ZNF821: variants seen among roughly 807,000 people sequenced by gnomAD.
ZNF821 encodes zinc finger protein 821.
Under a neutral mutation model 44.3 loss-of-function variants are expected in ZNF821, and 16 were observed. The observed-to-expected ratio is 0.36, with a 90% CI of 0.24 to 0.55. ZNF821 has a LOEUF of 0.55. Among genes scored for constraint, ZNF821 ranks in the 20% least tolerant of loss-of-function variants. The probability of loss-of-function intolerance (pLI) is 0.86; values close to 1 mark genes in which losing one functional copy is unlikely to be tolerated. For synonymous variants in ZNF821, 204 were observed against 197.6 expected, an observed-to-expected ratio of 1.03 and a Z score of -0.27; for missense variants, 436 against 547.6, an observed-to-expected ratio of 0.80 and a Z score of 2.03.
chr16:71,879,793 A>T (rs763576662), intron 3 of ZNF821, 114 bp downstream of exon 3: 130 of 1,043,222 alleles, frequency 1.2e-4, no homozygotes, highest in Admixed American at 2.0e-4. Context: ...TGTGTTTTAC[A>T]TTTAAACTTT....
chr16:71,879,243 C>T (rs2036176174), intron 3 of ZNF821, among the ~76,000 whole-genome samples: 1 of 152,208 alleles, frequency 6.6e-6, no homozygotes, highest in Non-Finnish European at 1.5e-5. Flanking sequence ...CATATAAAGT[C>T]TCCTTGTCCT....
intron 1 of ZNF821, among the ~76,000 whole-genome samples, 169 bp downstream of exon 1, chr16:71,883,739 A>G (rs1456057361): frequency 2.6e-5 from 4 of 151,484 alleles, no homozygotes; most frequent in Non-Finnish European, 4.4e-5. Flanking sequence ...CCGGGGAGGA[A>G]TTGGGGTTGG....
upstream of ZNF821, among the ~76,000 whole-genome samples, chr16:71,886,480 A>G (rs981994869): frequency 2.0e-5 from 3 of 152,104 alleles, no homozygotes; most frequent in Admixed American, 6.5e-5. Context: ...ACTTTTTTCT[A>G]CTTTCCCAAT....
At chr16:71,861,602 T>C (rs543667586) in intron 7 of ZNF821, among the ~76,000 whole-genome samples, 174 bp downstream of exon 7, 1 of 152,364 alleles carries the variant, frequency 6.6e-6, no homozygotes, top group Admixed American at 6.5e-5. Context: ...TCATTTTCCT[T>C]TGGGGCTATG....
chr16:71,863,576 C>T (rs2034178748), intron 6 of ZNF821, among the ~76,000 whole-genome samples: 1 of 151,956 alleles, frequency 6.6e-6, no homozygotes, highest in African/African-American at 2.4e-5. Context: ...TTTTGTAGGG[C>T]TGGGGTCTTG....
rs1567399361 is a variant in ZNF821, at chr16:71,860,502, G to A, written c.755C>T (p.Thr252Ile). ...AAYRKLLEAQTPSVRKWALRR... is the reference protein window; with the variant it reads ...AAYRKLLEAQIPSVRKWALRR... Reference sequence around the variant, plus strand: ...TAGAGCCCACTTGCGTACACTGGGAGTCTGGGCTTCCAGCAGTTTACGGTA... The same window carrying A: ...TAGAGCCCACTTGCGTACACTGGGAATCTGGGCTTCCAGCAGTTTACGGTA... Residue 252 changes from threonine (T) to isoleucine (I), a missense_variant, in exon 8 of 8, where the codon ACT becomes ATT. Thr to Ile is a moderately conservative substitution (Grantham distance 89). This residue lies in a region of ZNF821 where 68 missense variants were observed against 57.0 expected (regional missense o/e 1.19). Transcript: ENST00000425432. The surrounding 1 kb of genome is among the most constrained non-coding windows in gnomAD (Gnocchi z 7.3). 1 of 1,614,202 alleles carries A rather than the reference G, an allele frequency of 6.2e-7. No individual in the cohort carries two copies. Among genetic ancestry groups the A allele is most frequent in the Non-Finnish European group, 8.5e-7 (1 of 1,180,040 alleles).
intron 6 of ZNF821, 95 bp from the exon 7 acceptor site, chr16:71,862,037 T>G (rs2033956677): frequency 1.4e-6 from 2 of 1,430,348 alleles, no homozygotes; most frequent in African/African-American, 2.8e-5. Context: ...CCCCTTTCTT[T>G]AGTCTCAGAA....
chr16:71,866,773 G>A (rs1340398208), intron 4 of ZNF821, among the ~76,000 whole-genome samples: 6 of 152,062 alleles, frequency 3.9e-5, no homozygotes, highest in Non-Finnish European at 8.8e-5. Flanking sequence ...TTTTGTGCCC[G>A]AGCAATTAAT....
At chr16:71,894,338 G>A (rs974287240) in intron 1 of ZNF821, 1 of 150,558 alleles carries the variant, frequency 6.6e-6, no homozygotes, top group Non-Finnish European at 1.5e-5. Flanking sequence ...TCGGCTCACT[G>A]TAACTCGAGA....
intron 3 of ZNF821, among the ~76,000 whole-genome samples, chr16:71,874,105 C>T (rs573275312): frequency 6.6e-6 from 1 of 151,738 alleles, no homozygotes; most frequent in Non-Finnish European, 1.5e-5. Flanking sequence ...ATTACAGGCA[C>T]CCGCCACCAT....
intron 1 of ZNF821, among the ~76,000 whole-genome samples, chr16:71,892,247 G>A (rs986185548): frequency 4.8e-5 from 7 of 146,392 alleles, no homozygotes; most frequent in Non-Finnish European, 8.9e-5. Flanking sequence ...GTTAGGTGGG[G>A]CTCAATGATA....
Position 71,861,929 on chromosome 16 carries a change from A to G in ZNF821, c.431T>C (p.Val144Ala). The part of the protein sequence containing the change: ...IAHVYQHTAA[V>A]VSAKSYMCPV... Reference sequence around the variant, plus strand: ...ACACATGTAGCTCTTGGCGCTCACCACTGCTGCAGTGTGCTGTAAAACAGA... The same window carrying G: ...ACACATGTAGCTCTTGGCGCTCACCGCTGCTGCAGTGTGCTGTAAAACAGA... The change falls in exon 7 of 8, where the codon GTG becomes GCG. Residue 144 changes from valine (V) to alanine (A), a missense_variant. Physicochemically the swap from Val to Ala is moderately conservative, Grantham distance 64 (BLOSUM62 0). Coordinates refer to ENST00000425432, the MANE Select transcript of ZNF821 (RefSeq NM_001201552.2). 10 of 1,614,160 alleles carry G rather than the reference A, an allele frequency of 6.2e-6. No homozygotes were observed. Among genetic ancestry groups the G allele is most frequent in the Non-Finnish European group, 8.5e-6 (10 of 1,180,014 alleles).
At chr16:71,862,355 G>C (rs1049475747) in intron 6 of ZNF821, among the ~76,000 whole-genome samples, 1 of 152,192 alleles carries the variant, frequency 6.6e-6, no homozygotes, top group African/African-American at 2.4e-5. Flanking sequence ...GGTGCCTGTA[G>C]TCCCAGCTAC....
rs777504777 is a variant in ZNF821, at chr16:71,860,272, G to A, written c.985C>T (p.Leu329=). The A allele has an allele frequency of 1.2e-6, 2 of 1,613,796 alleles. No individual in the cohort carries two copies. The highest frequency in any genetic ancestry group is 1.7e-6 in the Non-Finnish European group (2 of 1,180,058). Residue 329 remains leucine (L), a synonymous_variant, in exon 8 of 8, where the codon CTG becomes TTG. Transcript: ENST00000425432. The surrounding 1 kb of genome is among the most constrained non-coding windows in gnomAD (Gnocchi z 7.3). ...TCCGGGGTTTCATTGGCCCGCTTCA[G>A]CCTCATGGCCTCCCGATCCCGCTGC... is the stretch of plus-strand genomic sequence containing the variant. The part of the protein sequence containing the change: ...RLQRDREAMR[L]KRANETPEKR...
intron 3 of ZNF821, among the ~76,000 whole-genome samples, chr16:71,871,057 G>T (rs560781028): frequency 6.6e-6 from 1 of 152,274 alleles, no homozygotes; most frequent in African/African-American, 2.4e-5. Context: ...TTCAAGATGA[G>T]TCAGTAATTC....
chr16:71,886,453 T>A (rs927662406), upstream of ZNF821, among the ~76,000 whole-genome samples: 3 of 152,204 alleles, frequency 2.0e-5, no homozygotes, highest in Non-Finnish European at 4.4e-5. Context: ...ATTAACCATA[T>A]ATATTTTTTT....
chr16:71,883,169 C>G (rs1394569136), intron 2 of ZNF821, 42 bp downstream of exon 2: 4 of 456,320 alleles, frequency 8.8e-6, no homozygotes, highest in African/African-American at 8.0e-5. Flanking sequence ...AGAAAAAAAA[C>G]GAGTGAAATC....
In ZNF821 at chr16:71,883,290, G is replaced by A; in HGVS notation, c.-140-17C>T. 2.3e-6 allele frequency: 1 copy of A among 442,180 alleles called. No individual in the cohort carries two copies. The highest frequency in any genetic ancestry group is 1.6e-5 in the South Asian group (1 of 62,562). The allele number at this position is 442,180 out of a possible 1,614,324, so 27.4% of individuals were successfully genotyped here. A position where few individuals can be genotyped will look rare whatever the true frequency, so the allele number is the denominator to read the frequency against. On this transcript the variant is annotated splice_polypyrimidine_tract_variant and intron_variant, in intron 1 of 7. Coordinates refer to ENST00000425432, the MANE Select transcript of ZNF821 (RefSeq NM_001201552.2). ...GATCTGTATCTGCCAAAAAGGAGAG[G>A]ACAAGAAAGCTGGTCACTTAGCCGC...
Position 71,860,206 on chromosome 16 carries a change from G to T in ZNF821, c.1051C>A (p.Arg351=), listed in dbSNP as rs371962237. The change falls in exon 8 of 8, where the codon CGG becomes AGG. Residue 351 remains arginine, a synonymous_variant. Transcript: ENST00000425432. The surrounding 1 kb of genome is among the most constrained non-coding windows in gnomAD (Gnocchi z 7.3). ...ATTTTCTCCAGCCTCCTCTTGAGCCGCTTGGCCTCTCGCTCTCGGATGAGC... is the reference window on the plus strand; with the variant it reads ...ATTTTCTCCAGCCTCCTCTTGAGCCTCTTGGCCTCTCGCTCTCGGATGAGC... ...ARLIREREAK[R]LKRRLEKMDM... is the part of the protein sequence containing the mutation. 31 of 1,614,086 alleles carry T rather than the reference G, an allele frequency of 1.9e-5. No homozygotes were observed. Among genetic ancestry groups the T allele is most frequent in the African/African-American group, 2.7e-5 (2 of 74,942 alleles).
Sources: allele counts gnomAD v4.1 joint callset (sites outside exome capture counted in the v4.1 genomes callset), GRCh38; gene constraint gnomAD v4.1.1; regional missense constraint gnomAD v4.1.1; non-coding constraint Gnocchi (gnomAD v3.1); transcripts MANE v1.5; gene names NCBI Gene and HGNC (gene_info 2026-07-23, HGNC 2026-07-21).